CKM: variants seen among roughly 807,000 people sequenced by gnomAD.
CKM encodes the protein creatine kinase M-type.
A neutral mutation model predicts 35.4 loss-of-function variants in CKM; 28 were observed. That is an observed-to-expected ratio of 0.79 (90% CI 0.59 to 1.08). The LOEUF is 1.08. CKM is among the 50% of genes least tolerant of loss of function. The pLI is 0.00. For missense variants in CKM, 484 were observed against 509.8 expected (o/e 0.95, Z 0.49); for synonymous variants, 215 against 204.4 (o/e 1.05, Z -0.44).
chr19:45,306,748 G>C lies in CKM; in HGVS notation c.*2C>G. On this transcript the variant is annotated 3_prime_UTR_variant, in exon 8 of 8. Transcript: ENST00000221476. This position sits in a 1 kb window ranked among gnomAD's most constrained non-coding sequence, Gnocchi z 4.5. ...AGCAGTCGGTGGCAGGTGGGCAGGC[G>C]CCTACTTCTGGGCGGGGATCATGTC... 1.2e-6 allele frequency: 2 copies of C among 1,613,970 alleles called. No homozygotes were observed. The highest frequency in any genetic ancestry group is 8.5e-7 in the Non-Finnish European group (1 of 1,179,988).
rs1345048273 is a variant in CKM at position 45,317,840 on chromosome 19, G to A, written c.333C>T (p.Asn111=). Residue 111 remains asparagine (N), a synonymous_variant, in exon 3 of 8, where the codon AAC becomes AAT. Coordinates refer to ENST00000221476, the MANE Select transcript of CKM (RefSeq NM_001824.5). ...KPTDKHKTDL[N]HENLKGGDDL... The stretch of plus-strand genomic sequence containing the variant: ...AGACACCGACCTTGAGGTTTTCATG[G>A]TTGAGGTCAGTCTTGTGCTTGTCAG... The A allele has an allele frequency of 6.2e-7, 1 of 1,614,028 alleles. No homozygotes were observed. The highest frequency in any genetic ancestry group is 8.5e-7 in the Non-Finnish European group (1 of 1,180,016).
At chr19:45,318,481 T>G (rs1599819926) in intron 2 of CKM, among the ~76,000 whole-genome samples, 2 of 142,082 alleles carry the variant, frequency 1.4e-5, no homozygotes, top group Admixed American at 7.0e-5. Context: ...GAGGTCAAGG[T>G]GGCTGGGAGG....
At chr19:45,319,446 GGT>G in intron 2 of CKM, 73 bp downstream of exon 2, 1 of 1,184,654 alleles carries the variant, frequency 8.4e-7, no homozygotes, top group Non-Finnish European at 1.2e-6. Flanking sequence ...CTTCAAGGGT[GGT>G]GGGATTGGGG....
rs753391216 is a variant in CKM at position 45,318,006 on chromosome 19, C to T, written c.194-27G>A. 4 of 1,610,258 alleles carry T rather than the reference C, an allele frequency of 2.5e-6. No individual in the cohort carries two copies. The East Asian group carries it at 8.9e-5, about 36-fold the overall frequency. Reference sequence around the variant, plus strand: ...TGGAGGGGTGGGGGTGAGGTCAGAGCTGCTTGTCCCCAGCAAACAGGGCGT... The same window carrying T: ...TGGAGGGGTGGGGGTGAGGTCAGAGTTGCTTGTCCCCAGCAAACAGGGCGT... On this transcript the variant is annotated intron_variant, in intron 2 of 7. Coordinates refer to ENST00000221476, the MANE Select transcript of CKM (RefSeq NM_001824.5).
Position 45,315,321 on chromosome 19 carries a change from G to A in CKM, c.481+144C>T, listed in dbSNP as rs1040959790. 1.8e-5 allele frequency: 16 copies of A among 903,032 alleles called. 1 individual carries two copies. In the African/African-American group the frequency reaches 2.0e-4, roughly 11 times the overall value. 55.9% of individuals were successfully genotyped at this position (903,032 alleles called of 1,614,324 possible). ...ACACAGCAGGTAATGCTGACAGCCC[G>A]CGCCATTCCCCAAGCCCCCACGATT... On this transcript the variant is annotated intron_variant, in intron 4 of 7. Transcript: ENST00000221476.
intron 7 of CKM, 130 bp downstream of exon 7, chr19:45,307,331 A>T (rs1971062318): frequency 2.5e-6 from 2 of 788,316 alleles, no homozygotes; most frequent in Non-Finnish European, 4.1e-6. Flanking sequence ...AGAGGAAGAA[A>T]TGCAAGCTCA....
At chr19:45,316,266 G>A (rs1050141791) in intron 3 of CKM, among the ~76,000 whole-genome samples, 44 of 149,718 alleles carry the variant, frequency 2.9e-4, no homozygotes, top group African/African-American at 1.1e-3. Flanking sequence ...GGGATCAGGG[G>A]TTTCCGTGAG....
intron 6 of CKM, 87 bp downstream of exon 6, chr19:45,308,322 T>C: frequency 4.6e-6 from 7 of 1,507,704 alleles, no homozygotes; most frequent in Non-Finnish European, 6.4e-6. Flanking sequence ...GGGCAGGGCT[T>C]AGTATAGGGG....
intron 2 of CKM, among the ~76,000 whole-genome samples, chr19:45,318,863 CTTTT>C (rs112676432): frequency 1.4e-5 from 2 of 141,862 alleles, no homozygotes; most frequent in African/African-American, 2.6e-5. Context: ...CTGTCAGATT[CTTTT>C]TTTTTTTTTT....
chr19:45,316,523 C>T (rs772785184), intron 3 of CKM, among the ~76,000 whole-genome samples: 5 of 151,158 alleles, frequency 3.3e-5, no homozygotes, highest in Non-Finnish European at 7.4e-5. Context: ...GCTATGTTGC[C>T]CAAGCTGGTC....
intron 1 of CKM, among the ~76,000 whole-genome samples, chr19:45,320,890 C>CTGCTATTAT (rs71338767): frequency 6.8e-6 from 1 of 146,322 alleles, no homozygotes; most frequent in Admixed American, 6.8e-5. Context: ...CACTTAGCTG[C>CTGCTATTAT]TATTATTATT....
At chr19:45,318,917 C>T (rs1971185008) in intron 2 of CKM, among the ~76,000 whole-genome samples, 2 of 151,222 alleles carry the variant, frequency 1.3e-5, no homozygotes, top group African/African-American at 4.9e-5. Context: ...TACAGTGGCG[C>T]GATCTCGGCT....
At position 45,308,521 on chromosome 19, in the gene CKM, T is replaced by C. The variant is rs1432240474; in HGVS notation, c.665A>G (p.Asn222Ser). Residue 222 changes from asparagine (N) to serine (S), a missense_variant, in exon 6 of 8, where the codon AAC (asparagine) becomes AGC (serine). Transcript: ENST00000221476. The part of the protein sequence containing the change: ...PDARGIWHND[N>S]KSFLVWVNEE... ...GTTCACCCACACCAGGAAGCTCTTG[T>C]TGTCATTGTGCCTAGAGTAAGGTGC... The C allele has an allele frequency of 6.2e-7, 1 of 1,614,064 alleles. No homozygotes were observed. The highest frequency in any genetic ancestry group is 2.2e-5 in the East Asian group (1 of 44,864).
intron 7 of CKM, among the ~76,000 whole-genome samples, chr19:45,307,246 G>A (rs538433507): frequency 3.7e-4 from 56 of 152,298 alleles, no homozygotes; most frequent in Non-Finnish European, 7.1e-4. Context: ...CCAAGGGCAT[G>A]TGCAATGCAT....
chr19:45,319,426 G>GCA, intron 2 of CKM, 95 bp downstream of exon 2: 1 of 817,334 alleles, frequency 1.2e-6, no homozygotes, highest in Non-Finnish European at 1.9e-6. Flanking sequence ...GAAAACTGAG[G>GCA]CCCCCCCCCC....
chr19:45,310,061 AAAGAT>A (rs1486878374), intron 5 of CKM, among the ~76,000 whole-genome samples: 1 of 151,954 alleles, frequency 6.6e-6, no homozygotes, highest in Non-Finnish European at 1.5e-5. Flanking sequence ...ACTTTATAAT[AAAGAT>A]AAGACGAATA....
chr19:45,316,356 G>A (rs1282196796), intron 3 of CKM, among the ~76,000 whole-genome samples: 1 of 150,952 alleles, frequency 6.6e-6, no homozygotes, highest in Non-Finnish European at 1.5e-5. Flanking sequence ...TAGAGACAGG[G>A]TGTCACTATG....
chr19:45,322,613 G>T (rs1306572226), intron 1 of CKM, among the ~76,000 whole-genome samples: 1 of 152,166 alleles, frequency 6.6e-6, no homozygotes, highest in African/African-American at 2.4e-5. Context: ...GAAATCACAG[G>T]TCCCAGTGGG....
chr19:45,308,883 C>T (rs1008929366), intron 5 of CKM, among the ~76,000 whole-genome samples: 22 of 152,122 alleles, frequency 1.4e-4, no homozygotes, highest in African/African-American at 4.6e-4. Flanking sequence ...ATCTTCCCAT[C>T]GTAGTGTGTT....
Sources: gnomAD v4.1 joint callset for allele counts (sites outside exome capture counted in the v4.1 genomes callset) on GRCh38, gnomAD v4.1.1 for gene constraint, Gnocchi (gnomAD v3.1) non-coding constraint, MANE v1.5 for transcripts, NCBI Gene and HGNC (gene_info 2026-07-23, HGNC 2026-07-21) for gene names.